The following MAD1L1 variants were observed in gnomAD, a reference collection of about 807,000 sequenced individuals.
MAD1L1 encodes mitotic spindle assembly checkpoint protein MAD1.
Under a neutral mutation model 96.9 loss-of-function variants are expected in MAD1L1, and 95 were observed. The ratio of observed to expected loss-of-function variants is 0.98; its 90% CI spans 0.83 to 1.16. The LOEUF is 1.16. Ranked by LOEUF, MAD1L1 falls within the 50% of genes most tolerant of loss-of-function variation. The pLI is 0.00. For missense variants in MAD1L1, 1,007 were observed against 954.4 expected, an observed-to-expected ratio of 1.06 and a Z score of -0.73; for synonymous variants, 473 against 396.6, an observed-to-expected ratio of 1.19 and a Z score of -2.29.
Position 1,816,021 on chromosome 7 carries a change from C to T in MAD1L1, c.*49G>A, listed in dbSNP as rs762109781. 1.9e-5 allele frequency: 29 copies of T among 1,533,754 alleles called. No homozygotes were observed. The Admixed American group carries it at 3.9e-4, about 21-fold the overall frequency. On this transcript the variant is annotated 3_prime_UTR_variant, in exon 19 of 19. Transcript: ENST00000265854. ...TGTGGCTGGCGGGGCAGGGGACCTG[C>T]AGGTCAGGCCAAGCAGAGTGGCTCC...
Position 2,086,612 on chromosome 7 carries a change from T to C in MAD1L1, c.1074-17274A>G, listed in dbSNP as rs1325697471. 2.0e-5 allele frequency among the ~76,000 whole-genome samples: 3 copies of C among 152,222 alleles called. No homozygotes were observed. In the East Asian group the frequency reaches 5.8e-4, roughly 29 times the overall value. The stretch of plus-strand genomic sequence containing the variant: ...CTTGTCCCCCAGAGCTGGAGTGCAA[T>C]GGCACGCTCTCGGCTCACTGCAACC... On this transcript the variant is annotated intron_variant, in intron 11 of 18. Coordinates refer to ENST00000265854, the MANE Select transcript of MAD1L1 (RefSeq NM_001013836.2).
intron 18 of MAD1L1, among the ~76,000 whole-genome samples, chr7:1,843,592 T>G (rs1388425583): frequency 6.6e-6 from 1 of 152,186 alleles, no homozygotes; most frequent in Admixed American, 6.5e-5. Flanking sequence ...AAGATGCAAT[T>G]AAAACGTCTC....
At position 1,980,894 on chromosome 7, in the gene MAD1L1, G is replaced by A. The variant is rs551998121; in HGVS notation, c.1417-353C>T. On this transcript the variant is annotated intron_variant, in intron 14 of 18. Coordinates refer to ENST00000265854, the MANE Select transcript of MAD1L1 (RefSeq NM_001013836.2). ...CGGTTTGGTTTAACAGCCACAAGCC[G>A]TCGTTTATTCCGCTACTTCCAATTC... The A allele has an allele frequency of 5.1e-5, 20 of 394,594 alleles. 1 individual carries two copies. The highest frequency in any genetic ancestry group is 2.8e-4 in the South Asian group (14 of 50,610). 24.4% of individuals were successfully genotyped at this position (394,594 alleles called of 1,614,324 possible).
chr7:1,890,953 T>G (rs536049151), intron 18 of MAD1L1, among the ~76,000 whole-genome samples: 1 of 152,134 alleles, frequency 6.6e-6, no homozygotes, highest in African/African-American at 2.4e-5. Context: ...CCCAGCAAGA[T>G]CAGACAGACG....
At chr7:2,052,778 G>A (rs1485927379) in intron 12 of MAD1L1, among the ~76,000 whole-genome samples, 1 of 152,196 alleles carries the variant, frequency 6.6e-6, no homozygotes, top group Non-Finnish European at 1.5e-5. Context: ...CATGGGCATG[G>A]CCCTGGCGCC....
rs1462326544 is a variant in MAD1L1 at position 1,904,916 on chromosome 7, G to T, written c.1808-6526C>A. ...AGGCAGCAAGGATGCAGTCGCCTATGGAAGACGTTCTTGTGGAACTCATGA... is the reference window on the plus strand; with the variant it reads ...AGGCAGCAAGGATGCAGTCGCCTATTGAAGACGTTCTTGTGGAACTCATGA... On this transcript the variant is annotated intron_variant, in intron 17 of 18. Transcript: ENST00000265854. Among the ~76,000 whole-genome samples, 5 of 93,196 alleles carry T rather than the reference G, an allele frequency of 5.4e-5. 1 individual carries two copies. Among genetic ancestry groups the T allele is most frequent in the Admixed American group, 1.2e-4 (1 of 8,586 alleles). 61.1% of individuals were successfully genotyped at this position (93,196 alleles called of 152,430 possible).
intron 10 of MAD1L1, among the ~76,000 whole-genome samples, chr7:2,209,597 C>G (rs188449469): frequency 1.4e-3 from 209 of 152,358 alleles, no homozygotes; most frequent in African/African-American, 4.7e-3. Flanking sequence ...CAGCGGTCCA[C>G]TAGGCCAGAG....
At chr7:1,919,930 C>A (rs767247177) in intron 17 of MAD1L1, among the ~76,000 whole-genome samples, 2 of 152,148 alleles carry the variant, frequency 1.3e-5, no homozygotes, top group Non-Finnish European at 2.9e-5. Context: ...GGTGGCAGGG[C>A]GGAGTCAGCC....
intron 7 of MAD1L1, among the ~76,000 whole-genome samples, chr7:2,216,666 TC>T (rs2114995931): frequency 6.6e-6 from 1 of 152,304 alleles, no homozygotes; most frequent in South Asian, 2.1e-4. Flanking sequence ...CGTGCTCCAC[TC>T]TACCAGGGTA....
intron 14 of MAD1L1, among the ~76,000 whole-genome samples, chr7:1,983,108 G>GCA (rs1345094945): frequency 6.6e-6 from 1 of 150,878 alleles, no homozygotes; most frequent in Non-Finnish European, 1.5e-5. Flanking sequence ...ACACACACGT[G>GCA]CACACACGCA....
At chr7:2,158,504 G>A (rs1027443648) in intron 10 of MAD1L1, among the ~76,000 whole-genome samples, 1 of 152,216 alleles carries the variant, frequency 6.6e-6, no homozygotes, top group Non-Finnish European at 1.5e-5. Flanking sequence ...AGAGCCCTGC[G>A]GAAGGCAGGG....
At chr7:1,977,018 T>C (rs1400220534) in intron 15 of MAD1L1, among the ~76,000 whole-genome samples, 2 of 152,208 alleles carry the variant, frequency 1.3e-5, no homozygotes, top group Non-Finnish European at 2.9e-5. Context: ...TTTCTCCAAG[T>C]CCCCACCGGA....
intron 12 of MAD1L1, among the ~76,000 whole-genome samples, chr7:2,064,354 G>A (rs541574113): frequency 3.3e-5 from 5 of 152,000 alleles, no homozygotes; most frequent in East Asian, 1.9e-4. Flanking sequence ...AACTGAGAAC[G>A]CGCAGGGGTC....
At chr7:1,916,157 G>T (rs1406017507) in intron 17 of MAD1L1, among the ~76,000 whole-genome samples, 1 of 152,178 alleles carries the variant, frequency 6.6e-6, no homozygotes, top group Non-Finnish European at 1.5e-5. Context: ...CACCGGGAGG[G>T]TGTGGGGCCC....
At chr7:1,898,092 T>C (rs1786998212) in intron 18 of MAD1L1, 108 bp downstream of exon 18, 1 of 1,179,626 alleles carries the variant, frequency 8.5e-7, no homozygotes, top group Non-Finnish European at 1.2e-6. Flanking sequence ...CTCCACACCA[T>C]CCCCTTTGGA....
At chr7:1,825,555 C>A (rs1262704109) in intron 18 of MAD1L1, among the ~76,000 whole-genome samples, 1 of 152,242 alleles carries the variant, frequency 6.6e-6, no homozygotes, top group African/African-American at 2.4e-5. Context: ...CGGCACCCAG[C>A]GGCCAGGGCA....
In MAD1L1 at chr7:2,218,172, C is replaced by A. The variant is rs899580848; in HGVS notation, c.597-129G>T. 3 of 690,496 alleles carry A rather than the reference C, an allele frequency of 4.3e-6. No homozygotes were observed. The African/African-American group carries it at 5.2e-5, about 12-fold the overall frequency. The allele number at this position is 690,496 out of a possible 1,614,324, so 42.8% of individuals were successfully genotyped here. ...TCCCACCCCAAGGTTCAGGACCTCC[C>A]ACGGCACAGACCCCCCGCCCCCCGC... On this transcript the variant is annotated intron_variant, in intron 6 of 18. Coordinates refer to ENST00000265854, the MANE Select transcript of MAD1L1 (RefSeq NM_001013836.2).
At chr7:2,025,407 G>A (rs1584115438) in intron 12 of MAD1L1, among the ~76,000 whole-genome samples, 2 of 152,298 alleles carry the variant, frequency 1.3e-5, no homozygotes, top group East Asian at 1.9e-4. Context: ...GTTGTAGGCT[G>A]GTGGATAGGA....
At chr7:2,208,920 C>T (rs1040922398) in intron 10 of MAD1L1, among the ~76,000 whole-genome samples, 7 of 152,144 alleles carry the variant, frequency 4.6e-5, no homozygotes, top group Admixed American at 1.3e-4. Context: ...TCCAGACACA[C>T]GCCTCGCACT....
Sources: allele counts gnomAD v4.1 joint callset (sites outside exome capture counted in the v4.1 genomes callset), GRCh38; gene constraint gnomAD v4.1.1; transcripts MANE v1.5; gene names NCBI Gene and HGNC (gene_info 2026-07-23, HGNC 2026-07-21).